The following PALLD variants were observed in gnomAD, a reference collection of about 807,000 sequenced individuals.
PALLD encodes the protein palladin, cytoskeletal associated protein.
In PALLD, 61 loss-of-function variants were observed where a neutral mutation model predicts 123.5. The observed-to-expected ratio is 0.49, with a 90% CI of 0.40 to 0.61. The LOEUF (loss-of-function observed/expected upper bound fraction) is 0.61, where lower values mean the gene tolerates loss of function less well. PALLD is among the 20% of genes least tolerant of loss of function. PALLD has a pLI of 0.00. For missense variants in PALLD, 1,273 were observed against 1,377.0 expected (o/e 0.92, Z 1.20); for synonymous variants, 465 against 496.4 (o/e 0.94, Z 0.84).
At chr4:168,865,217 A>C (rs1750090964) in intron 10 of PALLD, among the ~76,000 whole-genome samples, 1 of 152,272 alleles carries the variant, frequency 6.6e-6, no homozygotes, top group South Asian at 2.1e-4. Context: ...TCAAAAGCTA[A>C]GAAGGGCCAA....
In PALLD at chr4:168,511,143, C is replaced by T. The variant is rs75967573; in HGVS notation, c.-82-280C>T. ...GAGTTTGAGTAAGGTGGGCGGGGGG[C>T]TGACTGTGAGCCCTATCCTACTAAT... On this transcript the variant is annotated intron_variant, in intron 1 of 21. Transcript: ENST00000505667. Among the ~76,000 whole-genome samples, 8,996 of 152,162 alleles carry T rather than the reference C, an allele frequency of 0.059. 339 individuals are homozygous for T. The highest frequency in any genetic ancestry group is 0.19 in the East Asian group (972 of 5,168).
chr4:168,755,820 A>T, intron 10 of PALLD: 1 of 178,130 alleles, frequency 5.6e-6, no homozygotes, highest in Non-Finnish European at 1.2e-5. Flanking sequence ...GCAAGAATGA[A>T]GGCTGTTCTC....
At chr4:168,556,871 TAGA>T (rs10545906) in intron 2 of PALLD, among the ~76,000 whole-genome samples, 56,110 of 151,724 alleles carry the variant, frequency 0.37, 10,605 homozygotes, top group East Asian at 0.65. Flanking sequence ...GCATGAAGCC[TAGA>T]AGAAGTGGCT....
chr4:168,651,538 CCTTG>C (rs1267458875), intron 2 of PALLD, among the ~76,000 whole-genome samples: 1 of 152,124 alleles, frequency 6.6e-6, no homozygotes, highest in Non-Finnish European at 1.5e-5. Context: ...CCCAGCCCGA[CCTTG>C]GACCAATTAA....
At chr4:168,861,952 G>C (rs1331048713) in intron 10 of PALLD, among the ~76,000 whole-genome samples, 1 of 151,736 alleles carries the variant, frequency 6.6e-6, no homozygotes, top group African/African-American at 2.4e-5. Flanking sequence ...CACCATCCCT[G>C]GCCTGTTGAA....
chr4:168,736,915 T>C (rs1229206114), intron 10 of PALLD, among the ~76,000 whole-genome samples: 1 of 152,068 alleles, frequency 6.6e-6, no homozygotes, highest in Non-Finnish European at 1.5e-5. Flanking sequence ...GTTATTAACG[T>C]GAAGTTTAAA....
chr4:168,904,585 G>GT (rs1167315143), intron 15 of PALLD, among the ~76,000 whole-genome samples: 3 of 151,910 alleles, frequency 2.0e-5, no homozygotes, highest in African/African-American at 7.3e-5. Flanking sequence ...ACAAAAATGA[G>GT]TAAAAAGTTA....
intron 8 of PALLD, among the ~76,000 whole-genome samples, chr4:168,708,506 C>T (rs561441119): frequency 7.2e-5 from 11 of 152,196 alleles, no homozygotes; most frequent in Non-Finnish European, 1.6e-4. Flanking sequence ...ACAACACTGC[C>T]ATGCCACTTA....
At chr4:168,825,192 C>A (rs1345554371) in intron 10 of PALLD, among the ~76,000 whole-genome samples, 2 of 152,152 alleles carry the variant, frequency 1.3e-5, no homozygotes, top group East Asian at 3.8e-4. Flanking sequence ...AGAGAATTTT[C>A]TAATTTTAAA....
chr4:168,910,220 C>CTTTTTTTTTTTT lies in PALLD; in HGVS notation c.2623-3697_2623-3686dup. Among the ~76,000 whole-genome samples the CTTTTTTTTTTTT allele has an allele frequency of 1.8e-5, 2 of 114,010 alleles. 1 individual carries two copies. The highest frequency in any genetic ancestry group is 6.4e-5 in the African/African-American group (2 of 31,202). 74.8% of individuals were successfully genotyped at this position (114,010 alleles called of 152,430 possible). A position where few individuals can be genotyped will look rare whatever the true frequency, so the allele number is the denominator to read the frequency against. On this transcript the variant is annotated intron_variant, in intron 15 of 21. Transcript: ENST00000505667. Reference sequence around the variant, plus strand: ...CCAGAGTAGTATGCCAACCTGTTTACTTTTTTTTTTTTTTTTTTTTTGAGA... The same window carrying CTTTTTTTTTTTT: ...CCAGAGTAGTATGCCAACCTGTTTACTTTTTTTTTTTTTTTTTTTTTTTTTTTTTTTTTGAGA...
intron 12 of PALLD, 133 bp from the exon 13 acceptor site, chr4:168,896,416 G>A: frequency 3.0e-6 from 2 of 656,464 alleles, no homozygotes; most frequent in South Asian, 1.7e-5. Flanking sequence ...ATGGTTGTGT[G>A]AGTACTCACA....
chr4:168,805,784 C>A (rs764029818), intron 10 of PALLD, among the ~76,000 whole-genome samples: 16 of 152,308 alleles, frequency 1.1e-4, no homozygotes, highest in Non-Finnish European at 2.2e-4. Context: ...ATAGATTTCC[C>A]TGCTTCTCTA....
At chr4:168,761,871 G>A (rs928732094) in intron 10 of PALLD, among the ~76,000 whole-genome samples, 1 of 151,716 alleles carries the variant, frequency 6.6e-6, no homozygotes, top group South Asian at 2.1e-4. Context: ...TCCTGGACCT[G>A]CACAGGATTA....
chr4:168,576,181 T>C (rs547117840), intron 2 of PALLD, among the ~76,000 whole-genome samples: 2 of 152,270 alleles, frequency 1.3e-5, no homozygotes, highest in South Asian at 4.1e-4. Context: ...TTGGAACACT[T>C]CATAATCTGT....
chr4:168,625,391 T>A (rs1298261873), intron 2 of PALLD, among the ~76,000 whole-genome samples: 8 of 146,196 alleles, frequency 5.5e-5, no homozygotes. Flanking sequence ...TATATCAAAC[T>A]TAAAAACTTC....
At chr4:168,744,242 T>A (rs1788642204) in intron 10 of PALLD, among the ~76,000 whole-genome samples, 1 of 151,854 alleles carries the variant, frequency 6.6e-6, no homozygotes, top group Admixed American at 6.6e-5. Flanking sequence ...AGGAAGAGAG[T>A]GCTGCTAACA....
intron 10 of PALLD, among the ~76,000 whole-genome samples, chr4:168,732,872 A>G (rs1308935228): frequency 2.0e-5 from 3 of 152,236 alleles, no homozygotes; most frequent in Non-Finnish European, 2.9e-5. Flanking sequence ...TAACCAGAAC[A>G]TGATCATGTA....
chr4:168,819,695 G>A (rs1742447833), intron 10 of PALLD, among the ~76,000 whole-genome samples: 2 of 152,078 alleles, frequency 1.3e-5, no homozygotes, highest in Non-Finnish European at 1.5e-5. Context: ...GCATTTCCAG[G>A]GAAAATTAAT....
rs879545358 is a variant in PALLD, at chr4:168,581,418, T to A, written c.908+69006T>A. On this transcript the variant is annotated intron_variant, in intron 2 of 21. Coordinates refer to ENST00000505667, the MANE Select transcript of PALLD (RefSeq NM_001166108.2). ...TTCACGCCCTTGCCAACGCTTAATC[T>A]TTTGTCTTTTTGATAGTAGCCATTC... Among the ~76,000 whole-genome samples the A allele has an allele frequency of 2.6e-5, 4 of 152,160 alleles. 1 individual carries two copies. In the South Asian group the frequency reaches 6.2e-4, roughly 24 times the overall value.
Sources: gnomAD v4.1 joint callset for allele counts (sites outside exome capture counted in the v4.1 genomes callset) on GRCh38, gnomAD v4.1.1 for gene constraint, MANE v1.5 for transcripts, NCBI Gene and HGNC (gene_info 2026-07-23, HGNC 2026-07-21) for gene names.